Variants in ROBO1 observed in about 807,000 individuals in gnomAD.
ROBO1 encodes the protein roundabout homolog 1.
In ROBO1, 149 loss-of-function variants were observed where a neutral mutation model predicts 195.9. The ratio of observed to expected loss-of-function variants is 0.76; its 90% CI spans 0.67 to 0.87. The LOEUF is 0.87. Ranked by LOEUF, ROBO1 falls within the 40% of genes least tolerant of loss-of-function variation. The pLI, the probability that ROBO1 is intolerant of heterozygous loss-of-function variation, is 0.00. For synonymous variants in ROBO1, 816 were observed against 733.2 expected, an observed-to-expected ratio of 1.11 and a Z score of -1.82; for missense variants, 1,933 against 2,068.3, an observed-to-expected ratio of 0.93 and a Z score of 1.27.
intron 4 of ROBO1, among the ~76,000 whole-genome samples, chr3:78,912,860 A>G (rs1466898458): frequency 1.3e-5 from 2 of 152,154 alleles, no homozygotes; most frequent in East Asian, 3.9e-4. Flanking sequence ...TTTAGTTTGA[A>G]GAATAAAAAT....
chr3:79,574,626 A>G (rs1409046925), intron 2 of ROBO1, among the ~76,000 whole-genome samples: 2 of 151,982 alleles, frequency 1.3e-5, no homozygotes, highest in Non-Finnish European at 2.9e-5. Flanking sequence ...GACTGCATAT[A>G]TACATCTAAG....
intron 3 of ROBO1, among the ~76,000 whole-genome samples, chr3:79,092,776 T>A (rs1444794828): frequency 1.3e-5 from 2 of 152,112 alleles, no homozygotes; most frequent in Non-Finnish European, 2.9e-5. Flanking sequence ...AAATCAATTA[T>A]CAGTGACTAC....
intron 4 of ROBO1, among the ~76,000 whole-genome samples, chr3:78,809,432 C>T (rs1003489879): frequency 2.0e-5 from 3 of 152,100 alleles, no homozygotes; most frequent in Admixed American, 6.5e-5. Context: ...GACGGTGTGG[C>T]GATTCCTCAA....
chr3:79,742,203 T>C lies in ROBO1; in HGVS notation c.-51+25549A>G, dbSNP rs937878898. On this transcript the variant is annotated intron_variant, in intron 1 of 30. Coordinates refer to ENST00000464233, the MANE Select transcript of ROBO1 (RefSeq NM_002941.4). ...TAAGTAAAGGGGAGTTGAATGTTAA[T>C]AGCCAAGATGTTGGAGAAAATGCCT... 2.7e-4 allele frequency among the ~76,000 whole-genome samples: 41 copies of C among 152,196 alleles called. 1 individual carries two copies.
At chr3:79,305,622 A>T (rs1424697542) in intron 2 of ROBO1, among the ~76,000 whole-genome samples, 1 of 152,142 alleles carries the variant, frequency 6.6e-6, no homozygotes, top group African/African-American at 2.4e-5. Context: ...TTAAAATTCA[A>T]GGCTTCCAAT....
chr3:79,633,419 G>A (rs1201683011), intron 1 of ROBO1, among the ~76,000 whole-genome samples: 1 of 143,928 alleles, frequency 6.9e-6, no homozygotes, highest in Non-Finnish European at 1.5e-5. Context: ...TGAAATCCTG[G>A]GGTCAAATGA....
At chr3:78,598,986 T>G in intron 30 of ROBO1, 59 bp from the exon 31 acceptor site, 1 of 972,344 alleles carries the variant, frequency 1.0e-6, no homozygotes, top group Non-Finnish European at 1.5e-6. Flanking sequence ...TTGTGTTATA[T>G]TTATTTATAT....
Position 79,597,099 on chromosome 3 carries a change from A to G in ROBO1, c.-50-7138T>C, listed in dbSNP as rs528311998. 7.0e-4 allele frequency among the ~76,000 whole-genome samples: 106 copies of G among 151,424 alleles called. No homozygotes were observed. The South Asian group carries it at 0.021, about 30-fold the overall frequency. On this transcript the variant is annotated intron_variant, in intron 1 of 30. Coordinates refer to ENST00000464233, the MANE Select transcript of ROBO1 (RefSeq NM_002941.4). ...CTAAAGCTAGGAAATGGAAAACTTAATAAGTGTGTGTGTGCCTGTGTGCAT... is the reference window on the plus strand; with the variant it reads ...CTAAAGCTAGGAAATGGAAAACTTAGTAAGTGTGTGTGTGCCTGTGTGCAT...
intron 2 of ROBO1, among the ~76,000 whole-genome samples, chr3:79,144,352 T>C (rs1002365481): frequency 1.3e-5 from 2 of 152,072 alleles, no homozygotes; most frequent in Non-Finnish European, 2.9e-5. Context: ...AGCATTAGGA[T>C]TAGGTTAAAG....
chr3:79,161,919 A>C (rs141132611), intron 2 of ROBO1, among the ~76,000 whole-genome samples: 126 of 152,252 alleles, frequency 8.3e-4, no homozygotes, highest in African/African-American at 2.9e-3. Context: ...CCATAATTTC[A>C]AATTAATAGA....
chr3:79,430,146 T>A (rs1003486415), intron 2 of ROBO1, among the ~76,000 whole-genome samples: 1 of 152,014 alleles, frequency 6.6e-6, no homozygotes, highest in African/African-American at 2.4e-5. Context: ...TTAAAGACTT[T>A]AACTAAATCA....
intron 1 of ROBO1, among the ~76,000 whole-genome samples, chr3:79,664,601 T>C (rs1403595607): frequency 6.6e-6 from 1 of 152,056 alleles, no homozygotes; most frequent in African/African-American, 2.4e-5. Context: ...TCTCCACCCT[T>C]GGCAGCTATC....
chr3:79,684,664 T>C (rs1350171968), intron 1 of ROBO1, among the ~76,000 whole-genome samples: 2 of 152,064 alleles, frequency 1.3e-5, no homozygotes, highest in African/African-American at 4.8e-5. Context: ...ATGATGATGA[T>C]GATGATGATG....
At chr3:78,752,576 G>C (rs1576089014) in intron 4 of ROBO1, among the ~76,000 whole-genome samples, 1 of 152,092 alleles carries the variant, frequency 6.6e-6, no homozygotes, top group South Asian at 2.1e-4. Flanking sequence ...GCTGTTCTTT[G>C]TACAAATGTG....
At chr3:78,774,616 AAAATC>A (rs1221520230) in intron 4 of ROBO1, among the ~76,000 whole-genome samples, 1 of 152,162 alleles carries the variant, frequency 6.6e-6, no homozygotes, top group Admixed American at 6.5e-5. Flanking sequence ...TAAAAAAAAA[AAAATC>A]TACCACTTGA....
At chr3:78,921,564 C>T (rs956254026) in intron 4 of ROBO1, among the ~76,000 whole-genome samples, 2 of 152,086 alleles carry the variant, frequency 1.3e-5, no homozygotes, top group East Asian at 1.9e-4. Flanking sequence ...CGATTTTGTT[C>T]GCAATATAAG....
At chr3:78,855,952 A>G (rs2034389793) in intron 4 of ROBO1, among the ~76,000 whole-genome samples, 4 of 152,240 alleles carry the variant, frequency 2.6e-5, no homozygotes, top group Admixed American at 2.6e-4. Context: ...AATTACTTTT[A>G]CATGCTGTTT....
chr3:78,675,359 C>T (rs1342065561), intron 10 of ROBO1, among the ~76,000 whole-genome samples: 6 of 152,050 alleles, frequency 3.9e-5, no homozygotes, highest in African/African-American at 1.4e-4. Flanking sequence ...CGAAGCAGGG[C>T]GAGGCATTGC....
chr3:78,958,018 G>A (rs2041134971), intron 3 of ROBO1, among the ~76,000 whole-genome samples: 1 of 152,074 alleles, frequency 6.6e-6, no homozygotes, highest in Admixed American at 6.5e-5. Flanking sequence ...AAGTGACATA[G>A]ACCGAGATGC....
Sources: gnomAD v4.1 joint callset for allele counts (sites outside exome capture counted in the v4.1 genomes callset) on GRCh38, gnomAD v4.1.1 for gene constraint, MANE v1.5 for transcripts, NCBI Gene and HGNC (gene_info 2026-07-23, HGNC 2026-07-21) for gene names.